PGF: variants seen among roughly 807,000 people sequenced by gnomAD.
PGF encodes the protein placental growth factor.
PGF carries 11 observed loss-of-function variants against 25.3 expected under a neutral mutation model. The observed-to-expected ratio is 0.43, with a 90% CI of 0.27 to 0.72. PGF has a LOEUF of 0.72. PGF is among the 30% of genes least tolerant of loss of function. The pLI, the probability that PGF is intolerant of heterozygous loss-of-function variation, is 0.18. For missense variants in PGF, 230 were observed against 234.9 expected (o/e 0.98, Z 0.14); for synonymous variants, 105 against 97.9 (o/e 1.07, Z -0.43).
At chr14:74,946,123 C>T (rs1390530539) in intron 6 of PGF, 90 bp downstream of exon 6, 19 of 1,200,678 alleles carry the variant, frequency 1.6e-5, no homozygotes, top group Non-Finnish European at 2.2e-5. Flanking sequence ...TCAGTCCTGC[C>T]TCTCCCCCTC....
intron 1 of PGF, among the ~76,000 whole-genome samples, chr14:74,954,933 C>A (rs1223029701): frequency 1.3e-5 from 2 of 150,442 alleles, no homozygotes; most frequent in African/African-American, 4.9e-5. Flanking sequence ...AACCTCCCTC[C>A]CTCCCTCCCT....
At position 74,942,421 on chromosome 14, in the gene PGF, T is replaced by TC. The variant is rs774752650; in HGVS notation, c.*284dup. 3.3e-4 allele frequency: 143 copies of TC among 436,602 alleles called. No homozygotes were observed. The highest frequency in any genetic ancestry group is 5.2e-4 in the Non-Finnish European group (128 of 244,496). The allele number at this position is 436,602 out of a possible 1,614,324, so 27.0% of individuals were successfully genotyped here. The stretch of plus-strand genomic sequence containing the variant: ...CAGGCCCCTGGAGACCTCCAGGGCC[T>TC]CTGGGGCCTAGCTTGCCCCTCACGA... On this transcript the variant is annotated 3_prime_UTR_variant, in exon 7 of 7. Coordinates refer to ENST00000555567, the MANE Select transcript of PGF (RefSeq NM_002632.6).
chr14:74,947,137 C>G (rs1439166724), intron 4 of PGF: 1 of 464,766 alleles, frequency 2.2e-6, no homozygotes, highest in Non-Finnish European at 3.8e-6. Flanking sequence ...ACCAGGGCCT[C>G]TTGGGACTGT....
At chr14:74,952,199 G>A (rs1888887920) in intron 2 of PGF, among the ~76,000 whole-genome samples, 1 of 152,218 alleles carries the variant, frequency 6.6e-6, no homozygotes, top group African/African-American at 2.4e-5. Flanking sequence ...GGAGAGAAAT[G>A]CTTAATCCTG....
rs1031615108 is a variant in PGF, at chr14:74,955,476, G to A, written c.-234C>T. ...ACGGGGAGCGGCCCGGCGGGGCGGG[G>A]CGCCGAGGGGCAGGCGGGTCCCGGG... On this transcript the variant is annotated 5_prime_UTR_variant, in exon 1 of 7. Coordinates refer to ENST00000555567, the MANE Select transcript of PGF (RefSeq NM_002632.6). The surrounding 1 kb of genome is among the most constrained non-coding windows in gnomAD (Gnocchi z 4.1). The A allele has an allele frequency of 7.7e-6, 3 of 388,082 alleles. No homozygotes were observed. The highest frequency in any genetic ancestry group is 1.2e-4 in the South Asian group (1 of 8,338). The allele number at this position is 388,082 out of a possible 1,614,324, so 24.0% of individuals were successfully genotyped here.
At chr14:74,951,023 C>T (rs1888859931) in intron 2 of PGF, among the ~76,000 whole-genome samples, 1 of 152,214 alleles carries the variant, frequency 6.6e-6, no homozygotes, top group African/African-American at 2.4e-5. Context: ...TCCTGGTAAT[C>T]TCGGAAGAAA....
At position 74,949,557 on chromosome 14, in the gene PGF, C is replaced by A. The variant is rs531029280; in HGVS notation, c.119-4G>T. ...CACACTTCCTGGAAGGGTACCACTG[C>A]GAGGAAGCAAGGGGGCTGGGTCAGG... is the stretch of plus-strand genomic sequence containing the variant. On this transcript the variant is annotated splice_polypyrimidine_tract_variant and splice_region_variant and intron_variant, in intron 2 of 6. Coordinates refer to ENST00000555567, the MANE Select transcript of PGF (RefSeq NM_002632.6). The A allele has an allele frequency of 1.9e-6, 3 of 1,553,318 alleles. No homozygotes were observed. The highest frequency in any genetic ancestry group is 2.6e-6 in the Non-Finnish European group (3 of 1,149,402).
rs1888631923 is a variant in PGF, at chr14:74,942,725, T to A, written c.494A>T (p.Asp165Val). ...GGTGGGTTACCTCCGGGGAACAGCATCGCCGCACCTGCCAGAGACCAAGCA... is the reference window on the plus strand; with the variant it reads ...GGTGGGTTACCTCCGGGGAACAGCAACGCCGCACCTGCCAGAGACCAAGCA... ...QRPTDCHLCG[D>V]AVPRR The change falls in exon 7 of 7, where the codon GAT (aspartate) becomes GTT (valine). Residue 165 changes from aspartate (D) to valine (V), a missense_variant. Physicochemically the swap from Asp to Val is radical, Grantham distance 152. Transcript: ENST00000555567. The A allele has an allele frequency of 1.2e-6, 2 of 1,610,806 alleles. No individual in the cohort carries two copies. Among genetic ancestry groups the A allele is most frequent in the African/African-American group, 2.7e-5 (2 of 74,652 alleles).
Position 74,942,712 on chromosome 14 carries a change from C to T in PGF, c.507G>A (p.Arg169=), listed in dbSNP as rs780024361. The change falls in exon 7 of 7, where the codon CGG becomes CGA. Residue 169 remains arginine, a synonymous_variant. Transcript: ENST00000555567. The stretch of plus-strand genomic sequence containing the variant: ...CTCTCCTCCAAGGGGTGGGTTACCT[C>T]CGGGGAACAGCATCGCCGCACCTGC... ...DCHLCGDAVP[R]R 1.2e-6 allele frequency: 2 copies of T among 1,611,884 alleles called. No homozygotes were observed. The highest frequency in any genetic ancestry group is 1.1e-5 in the South Asian group (1 of 90,916).
intron 3 of PGF, 124 bp downstream of exon 3, chr14:74,949,233 G>A: frequency 4.2e-6 from 3 of 722,674 alleles, no homozygotes; most frequent in Non-Finnish European, 6.5e-6. Context: ...CCCTGGGCTG[G>A]GGTGGTAGGA....
chr14:74,946,920 T>A (rs1320644737), intron 4 of PGF: 1 of 741,600 alleles, frequency 1.3e-6, no homozygotes, highest in South Asian at 1.4e-5. Context: ...TCACCAGGCA[T>A]GTCTGGGCTC....
At chr14:74,948,838 A>G (rs1173023682) in intron 3 of PGF, among the ~76,000 whole-genome samples, 2 of 152,218 alleles carry the variant, frequency 1.3e-5, no homozygotes, top group Non-Finnish European at 2.9e-5. Flanking sequence ...CTGGAGTCAG[A>G]GAGACCCGTG....
Position 74,953,032 on chromosome 14 carries a change from T to C in PGF, c.118+872A>G, listed in dbSNP as rs1464039289. Among the ~76,000 whole-genome samples, 1 of 152,176 alleles carries C rather than the reference T, an allele frequency of 6.6e-6. No homozygotes were observed. The highest frequency in any genetic ancestry group is 1.5e-5 in the Non-Finnish European group (1 of 68,032). On this transcript the variant is annotated intron_variant, in intron 2 of 6. Coordinates refer to ENST00000555567, the MANE Select transcript of PGF (RefSeq NM_002632.6). This position sits in a 1 kb window ranked among gnomAD's most constrained non-coding sequence, Gnocchi z 5.4. ...TTCCAGAGGCACAGCAAGGGAGGCA[T>C]CCATGAGGTCAAGGGCAGCTACCTC...
chr14:74,949,297 C>T (rs2268614), intron 3 of PGF, 60 bp downstream of exon 3: 531,046 of 1,332,278 alleles, frequency 0.4, 110,132 homozygotes, highest in Non-Finnish European at 0.42. Flanking sequence ...ATCTTCTTCC[C>T]TCTCCAGGTA....
At chr14:74,942,932 C>T (rs1054387101) in intron 6 of PGF, among the ~76,000 whole-genome samples, 199 bp from the exon 7 acceptor site, 1 of 152,182 alleles carries the variant, frequency 6.6e-6, no homozygotes, top group African/African-American at 2.4e-5. Context: ...ACCCATGTGC[C>T]CAGCCCTGTG....
intron 2 of PGF, among the ~76,000 whole-genome samples, chr14:74,952,041 G>T (rs1331431221): frequency 6.6e-6 from 1 of 152,022 alleles, no homozygotes; most frequent in Non-Finnish European, 1.5e-5. Context: ...GGAAGCTGTG[G>T]CCCCCTCAGG....
Position 74,948,548 on chromosome 14 carries a change from G to A in PGF, c.351C>T (p.Tyr117=), listed in dbSNP as rs150466995. The change falls in exon 4 of 7, where the codon TAC becomes TAT. Residue 117 remains tyrosine (Y), a synonymous_variant. Transcript: ENST00000555567. ...LKIRSGDRPS[Y]VELTFSQHVR... is the part of the protein sequence containing the mutation. ...CGTGCTGAGAGAACGTCAGCTCCAC[G>A]TAGGAGGGCCGGTCCCCAGAACGGA... The A allele has an allele frequency of 3.9e-5, 62 of 1,605,162 alleles. No homozygotes were observed. In the African/African-American group the frequency reaches 4.3e-4, roughly 11 times the overall value.
In PGF at chr14:74,955,117, T is replaced by G. The variant is rs1888956409; in HGVS notation, c.75+51A>C. ...TGATTTCAGAGTCCCATGCTTCCAG[T>G]GCTGGGATGGGGAGGTCTGGGGAGC... On this transcript the variant is annotated intron_variant, in intron 1 of 6. Transcript: ENST00000555567. This position sits in a 1 kb window ranked among gnomAD's most constrained non-coding sequence, Gnocchi z 4.1. The G allele has an allele frequency of 1.9e-6, 2 of 1,053,652 alleles. No individual in the cohort carries two copies. The highest frequency in any genetic ancestry group is 2.6e-6 in the Non-Finnish European group (2 of 760,670). 65.3% of individuals were successfully genotyped at this position (1,053,652 alleles called of 1,614,324 possible).
In PGF at chr14:74,949,202, G is replaced by T. The variant is rs183051247; in HGVS notation, c.315+155C>A. 1.2e-4 allele frequency among the ~76,000 whole-genome samples: 19 copies of T among 152,276 alleles called. No homozygotes were observed. In the East Asian group the frequency reaches 3.7e-3, roughly 29 times the overall value. ...GGAGATGAGTGGGCTCAGAGCCATC[G>T]GAGGGCTTAGGAAGAAGAGGCCCTG... On this transcript the variant is annotated intron_variant, in intron 3 of 6. Coordinates refer to ENST00000555567, the MANE Select transcript of PGF (RefSeq NM_002632.6).
Sources: allele counts gnomAD v4.1 joint callset (sites outside exome capture counted in the v4.1 genomes callset), GRCh38; gene constraint gnomAD v4.1.1; non-coding constraint Gnocchi (gnomAD v3.1); transcripts MANE v1.5; gene names NCBI Gene and HGNC (gene_info 2026-07-23, HGNC 2026-07-21).